ADGRL1: variants seen among roughly 807,000 people sequenced by gnomAD.
The protein encoded by ADGRL1 is adhesion G protein-coupled receptor L1.
ADGRL1 carries 31 observed loss-of-function variants against 148.9 expected under a neutral mutation model. The ratio of observed to expected loss-of-function variants is 0.21; its 90% CI spans 0.16 to 0.28. The LOEUF (loss-of-function observed/expected upper bound fraction) is 0.28. Ranked by LOEUF, ADGRL1 falls within the 10% of genes least tolerant of loss-of-function variation. The pLI is 1.00. For synonymous variants in ADGRL1, 937 were observed against 900.3 expected (o/e 1.04, Z -0.73); for missense variants, 1,521 against 2,058.8 (o/e 0.74, Z 5.05).
chr19:14,175,132 C>T (rs557810151), intron 3 of ADGRL1, among the ~76,000 whole-genome samples: 14 of 152,236 alleles, frequency 9.2e-5, no homozygotes, highest in South Asian at 2.1e-4. Context: ...CGTGAGCCAC[C>T]GCGTCCAGCC....
At chr19:14,164,297 A>G (rs1969736305) in intron 4 of ADGRL1, among the ~76,000 whole-genome samples, 1 of 151,784 alleles carries the variant, frequency 6.6e-6, no homozygotes, top group Non-Finnish European at 1.5e-5. Context: ...GGACATGGAG[A>G]GGGACAGGGC....
rs757664888 is a variant in ADGRL1 at position 14,157,148 on chromosome 19, G to A, written c.2746-3C>T. The A allele has an allele frequency of 1.9e-6, 3 of 1,613,972 alleles. No homozygotes were observed. Among genetic ancestry groups the A allele is most frequent in the Non-Finnish European group, 8.5e-7 (1 of 1,179,976 alleles). The stretch of plus-strand genomic sequence containing the variant: ...CCGGCGAAGATGGGGCAGGCAATCT[G>A]CGGGGAGCACTGAGGGTGAGGGGCT... On this transcript the variant is annotated splice_polypyrimidine_tract_variant and splice_region_variant and intron_variant, in intron 14 of 22. Coordinates refer to ENST00000361434, the MANE Select transcript of ADGRL1 (RefSeq NM_014921.5). This position sits in a 1 kb window ranked among gnomAD's most constrained non-coding sequence, Gnocchi z 7.5.
At chr19:14,163,462 G>A (rs1253697602) in intron 4 of ADGRL1, 56 bp from the exon 5 acceptor site, 2 of 1,020,848 alleles carry the variant, frequency 2.0e-6, no homozygotes, top group South Asian at 1.6e-5. Flanking sequence ...GAGGCGAGAG[G>A]GAGGAGAGAG....
At position 14,162,232 on chromosome 19, in the gene ADGRL1, A is replaced by ACTTCCAC. The variant is rs746113719; in HGVS notation, c.1195+367_1195+373dup. Among the ~76,000 whole-genome samples, 4 of 152,096 alleles carry ACTTCCAC rather than the reference A, an allele frequency of 2.6e-5. No homozygotes were observed. The highest frequency in any genetic ancestry group is 4.8e-5 in the African/African-American group (2 of 41,402). On this transcript the variant is annotated intron_variant, in intron 5 of 22. Transcript: ENST00000361434. The surrounding 1 kb of genome is among the most constrained non-coding windows in gnomAD (Gnocchi z 5.4). ...AGCTCAGCTCTTTTGTGGATACTGGACTTCCACCCAGGATTTTGGTGGATC... is the reference window on the plus strand; with the variant it reads ...AGCTCAGCTCTTTTGTGGATACTGGACTTCCACCTTCCACCCAGGATTTTGGTGGATC...
rs1383466989 is a variant in ADGRL1 at position 14,160,854 on chromosome 19, A to C, written c.1511-158T>G. On this transcript the variant is annotated intron_variant, in intron 6 of 22. Transcript: ENST00000361434. The surrounding 1 kb of genome is among the most constrained non-coding windows in gnomAD (Gnocchi z 5.9). ...GAAACAGACATGAAGCGGGCTGGACAGTCGAAAGAGGCGCCACTCACTTCC... is the reference window on the plus strand; with the variant it reads ...GAAACAGACATGAAGCGGGCTGGACCGTCGAAAGAGGCGCCACTCACTTCC... 6.6e-6 allele frequency among the ~76,000 whole-genome samples: 1 copy of C among 152,134 alleles called. No homozygotes were observed. The highest frequency in any genetic ancestry group is 1.5e-5 in the Non-Finnish European group (1 of 68,002).
rs150072939 is a variant in ADGRL1 at position 14,171,295 on chromosome 19, G to C, written c.285-504C>G. 269 of 154,038 alleles carry C rather than the reference G, an allele frequency of 1.7e-3. 1 individual carries two copies. The highest frequency in any genetic ancestry group is 6.1e-3 in the African/African-American group (255 of 41,526). The allele number at this position is 154,038 out of a possible 1,614,324, so 9.5% of individuals were successfully genotyped here. A position where few individuals can be genotyped will look rare whatever the true frequency, so the allele number is the denominator to read the frequency against. On this transcript the variant is annotated intron_variant, in intron 3 of 22. Transcript: ENST00000361434. Reference sequence around the variant, plus strand: ...CAATCTCAGGTATTTCTTTATACCAGTATAAGAACGAACTAACACACCAAG... The same window carrying C: ...CAATCTCAGGTATTTCTTTATACCACTATAAGAACGAACTAACACACCAAG...
chr19:14,177,817 A>G (rs1273040249), intron 2 of ADGRL1, 73 bp from the exon 3 acceptor site: 1 of 1,365,952 alleles, frequency 7.3e-7, no homozygotes, highest in Non-Finnish European at 1.0e-6. Flanking sequence ...CACTGCCAAG[A>G]AAACACCACC....
intron 2 of ADGRL1, among the ~76,000 whole-genome samples, chr19:14,179,554 C>T (rs1234124593): frequency 5.9e-5 from 9 of 151,942 alleles, no homozygotes; most frequent in Non-Finnish European, 1.3e-4. Flanking sequence ...CTGGCTGATA[C>T]CTTGACCTCA....
At chr19:14,169,677 C>T (rs1323245711) in intron 4 of ADGRL1, 1 of 152,030 alleles carries the variant, frequency 6.6e-6, no homozygotes, top group Non-Finnish European at 1.5e-5. Context: ...GGGAGAGTTA[C>T]AGGGCCTCTT....
At chr19:14,187,666 C>T (rs941151965) in intron 1 of ADGRL1, among the ~76,000 whole-genome samples, 4 of 151,608 alleles carry the variant, frequency 2.6e-5, no homozygotes, top group Middle Eastern at 3.4e-3. Flanking sequence ...CGTGTTACCC[C>T]GCCGCCGCCA....
At chr19:14,202,636 G>C (rs1972690117) in intron 1 of ADGRL1, among the ~76,000 whole-genome samples, 1 of 152,066 alleles carries the variant, frequency 6.6e-6, no homozygotes, top group African/African-American at 2.4e-5. Flanking sequence ...CACCCCCCAT[G>C]GCGCCCCCTG....
At chr19:14,193,765 G>C (rs527694597) in intron 1 of ADGRL1, among the ~76,000 whole-genome samples, 37 of 152,334 alleles carry the variant, frequency 2.4e-4, no homozygotes, top group African/African-American at 8.7e-4. Flanking sequence ...ATGCACAGAA[G>C]ACCATGTGAC....
At chr19:14,171,051 C>G in intron 3 of ADGRL1, 1 of 400,718 alleles carries the variant, frequency 2.5e-6, no homozygotes, top group East Asian at 5.3e-5. Flanking sequence ...TTATCACCAT[C>G]CCCTCCGTGC....
chr19:14,195,947 C>T lies in ADGRL1; in HGVS notation c.-96+10038G>A, dbSNP rs548031154. Among the ~76,000 whole-genome samples the T allele has an allele frequency of 5.3e-5, 8 of 152,258 alleles. No individual in the cohort carries two copies. The East Asian group carries it at 9.7e-4, about 18-fold the overall frequency. The stretch of plus-strand genomic sequence containing the variant: ...CCAGTCCCTCCAGGGGCTCAGGAAC[C>T]GGACAGTCATCCTGGATCCCTCTCC... On this transcript the variant is annotated intron_variant, in intron 1 of 22. Transcript: ENST00000361434.
At chr19:14,175,528 CCA>C (rs1970764158) in intron 3 of ADGRL1, among the ~76,000 whole-genome samples, 1 of 151,830 alleles carries the variant, frequency 6.6e-6, no homozygotes, top group African/African-American at 2.4e-5. Flanking sequence ...ACTCATATAA[CCA>C]CATATTCACC....
In ADGRL1 at chr19:14,155,417, G is replaced by A. The variant is rs766817927; in HGVS notation, c.3236C>T (p.Thr1079Ile). ...GAAGACCCCCTGGAAGGCGTTGAAG[G>A]TGGTGAAGAGATAGGCCATGACCAC... ...ESVVMAYLFT[T>I]FNAFQGVFIF... Residue 1079 changes from threonine to isoleucine, a missense_variant, in exon 18 of 23, where the codon ACC becomes ATC. Physicochemically the swap from Thr to Ile is moderately conservative, Grantham distance 89. Transcript: ENST00000361434. The surrounding 1 kb of genome is among the most constrained non-coding windows in gnomAD (Gnocchi z 5.0). The A allele has an allele frequency of 1.2e-6, 2 of 1,614,204 alleles. No homozygotes were observed. The highest frequency in any genetic ancestry group is 1.7e-5 in the Admixed American group (1 of 60,026).
chr19:14,177,720 A>G lies in ADGRL1; in HGVS notation c.95T>C (p.Phe32Ser). The part of the protein sequence containing the change: ...TQGLSRAGLP[F>S]GLMRRELACE... ...CGCCAGCTCCCGGCGCATCAGCCCG[A>G]ACGGGAGCCCGGCCCGGCTCAGGCC... The change falls in exon 3 of 23, where the codon TTC (phenylalanine) becomes TCC (serine). Residue 32 changes from phenylalanine to serine, a missense_variant. By Grantham distance (155) the Phe-to-Ser change is radical. Transcript: ENST00000361434. 6.2e-7 allele frequency: 1 copy of G among 1,613,002 alleles called. No homozygotes were observed. Among genetic ancestry groups the G allele is most frequent in the Non-Finnish European group, 8.5e-7 (1 of 1,179,786 alleles).
At chr19:14,204,709 A>AGAGT (rs750194932) in intron 1 of ADGRL1, among the ~76,000 whole-genome samples, 2,104 of 72,600 alleles carry the variant, frequency 0.029, 22 homozygotes, top group South Asian at 0.05. Flanking sequence ...AAAGACAGAG[A>AGAGT]GAGTGAGAGA....
At chr19:14,201,271 G>C (rs1403766399) in intron 1 of ADGRL1, among the ~76,000 whole-genome samples, 1 of 151,050 alleles carries the variant, frequency 6.6e-6, no homozygotes, top group Admixed American at 6.6e-5. Flanking sequence ...TAGCCTCTGA[G>C]GGAGGGGCAC....
Sources: allele counts gnomAD v4.1 joint callset (sites outside exome capture counted in the v4.1 genomes callset), GRCh38; gene constraint gnomAD v4.1.1; non-coding constraint Gnocchi (gnomAD v3.1); transcripts MANE v1.5; gene names NCBI Gene and HGNC (gene_info 2026-07-23, HGNC 2026-07-21).